NAA11: variants seen among roughly 807,000 people sequenced by gnomAD.
NAA11 encodes the protein N-alpha-acetyltransferase 11.
In NAA11, 15 loss-of-function variants were observed where a neutral mutation model predicts 16.1. That is an observed-to-expected ratio of 0.93 (90% CI 0.62 to 1.44). NAA11 has a LOEUF of 1.44. Ranked by LOEUF, NAA11 falls within the 40% of genes most tolerant of loss-of-function variation. The pLI, the probability that NAA11 is intolerant of heterozygous loss-of-function variation, is 0.00. For synonymous variants in NAA11, 122 were observed against 112.4 expected, an observed-to-expected ratio of 1.09 and a Z score of -0.54; for missense variants, 298 against 291.3, an observed-to-expected ratio of 1.02 and a Z score of -0.17.
At chr4:79,156,669 A>G in the NAA11 span, among the ~76,000 whole-genome samples, 1 of 152,226 alleles carries the variant, frequency 6.6e-6, no homozygotes, top group African/African-American at 2.4e-5. Context: ...AAACAACCAG[A>G]ATAATGTTTG....
chr4:79,210,128 C>T, the NAA11 span, among the ~76,000 whole-genome samples: 2 of 152,078 alleles, frequency 1.3e-5, no homozygotes, highest in Admixed American at 6.6e-5. Context: ...AGCAACAAGG[C>T]TGTTGATTCA....
chr4:79,311,719 G>A (rs549511504), downstream of NAA11, among the ~76,000 whole-genome samples: 1 of 152,238 alleles, frequency 6.6e-6, no homozygotes, highest in East Asian at 1.9e-4. Flanking sequence ...ATGCAGTTGA[G>A]GCAATGATGC....
intron 2 of NAA11, among the ~76,000 whole-genome samples, chr4:79,262,911 T>C (rs540849152): frequency 5.3e-5 from 8 of 152,152 alleles, no homozygotes; most frequent in African/African-American, 1.9e-4. Flanking sequence ...TCTATCATCA[T>C]GCTAGTACTA....
At chr4:79,165,433 G>A in the NAA11 span, among the ~76,000 whole-genome samples, 2 of 152,210 alleles carry the variant, frequency 1.3e-5, no homozygotes, top group African/African-American at 4.8e-5. Flanking sequence ...CAAAGAATGA[G>A]AGAAGGAAAG....
chr4:79,218,209 C>CA, the NAA11 span, among the ~76,000 whole-genome samples: 3 of 152,132 alleles, frequency 2.0e-5, no homozygotes, highest in Non-Finnish European at 4.4e-5. Flanking sequence ...CATGTGTCCT[C>CA]ACTCAGCTAG....
At chr4:79,273,142 C>T (rs934442810) in intron 2 of NAA11, among the ~76,000 whole-genome samples, 3 of 151,744 alleles carry the variant, frequency 2.0e-5, no homozygotes, top group Non-Finnish European at 2.9e-5. Context: ...AGAGGTCAGC[C>T]GAGATTCAAA....
the NAA11 span, among the ~76,000 whole-genome samples, chr4:79,214,764 C>T: frequency 4.6e-4 from 70 of 152,200 alleles, no homozygotes; most frequent in Non-Finnish European, 7.6e-4. Context: ...CGCCACTGCA[C>T]TGCAGTCTGG....
the NAA11 span, among the ~76,000 whole-genome samples, chr4:79,200,956 C>A: frequency 6.6e-6 from 1 of 151,334 alleles, no homozygotes; most frequent in African/African-American, 2.4e-5. Flanking sequence ...ATATATTATA[C>A]ATATATGTAT....
the NAA11 span, among the ~76,000 whole-genome samples, chr4:79,182,692 G>C: frequency 6.6e-6 from 1 of 152,214 alleles, no homozygotes. Context: ...TCTAATGGAT[G>C]CATTTATGCT....
intron 2 of NAA11, among the ~76,000 whole-genome samples, chr4:79,237,261 C>T (rs1420148717): frequency 2.0e-5 from 3 of 152,134 alleles, no homozygotes; most frequent in Non-Finnish European, 4.4e-5. Context: ...GGATAGTGAA[C>T]TTAGGAGTAG....
chr4:79,291,719 T>C (rs2109993312), intron 2 of NAA11, among the ~76,000 whole-genome samples: 2 of 151,520 alleles, frequency 1.3e-5, no homozygotes, highest in African/African-American at 4.8e-5. Context: ...AAACTCCGTC[T>C]CAAAAAAGAA....
At chr4:79,159,183 A>G in the NAA11 span, among the ~76,000 whole-genome samples, 15 of 152,230 alleles carry the variant, frequency 9.9e-5, no homozygotes, top group Non-Finnish European at 1.9e-4. Flanking sequence ...TTTGCAATCT[A>G]TAGGTCTGGC....
intron 2 of NAA11, among the ~76,000 whole-genome samples, chr4:79,286,495 CT>C (rs745487414): frequency 9.2e-5 from 14 of 151,972 alleles, no homozygotes; most frequent in African/African-American, 1.7e-4. Context: ...TCTCCTACTT[CT>C]TTAGTCATGA....
chr4:79,156,066 G>T, the NAA11 span, among the ~76,000 whole-genome samples: 1 of 152,098 alleles, frequency 6.6e-6, no homozygotes, highest in South Asian at 2.1e-4. Flanking sequence ...GAGTGCCCTG[G>T]ATGTACCTGG....
chr4:79,285,489 T>C (rs866779455), intron 2 of NAA11, among the ~76,000 whole-genome samples: 1 of 152,138 alleles, frequency 6.6e-6, no homozygotes, highest in African/African-American at 2.4e-5. Flanking sequence ...TATTGTTAAA[T>C]GCACTTCTGA....
chr4:79,215,422 C>T, the NAA11 span, among the ~76,000 whole-genome samples: 1 of 152,192 alleles, frequency 6.6e-6, no homozygotes, highest in African/African-American at 2.4e-5. Flanking sequence ...ACAGCCAAGG[C>T]TCTATTCCAG....
At chr4:79,200,969 TTATG>T in the NAA11 span, among the ~76,000 whole-genome samples, 19 of 151,828 alleles carry the variant, frequency 1.3e-4, no homozygotes, top group Admixed American at 4.6e-4. Context: ...ATATGTATTT[TTATG>T]TATGTATATA....
chr4:79,175,006 A>G, the NAA11 span, among the ~76,000 whole-genome samples: 1 of 152,144 alleles, frequency 6.6e-6, no homozygotes, highest in Non-Finnish European at 1.5e-5. Context: ...TGAAGCATGT[A>G]AGTCCTGGCA....
intron 1 of NAA11, among the ~76,000 whole-genome samples, chr4:79,321,353 T>C (rs1450693426): frequency 6.6e-6 from 1 of 152,220 alleles, no homozygotes; most frequent in Non-Finnish European, 1.5e-5. Context: ...CTAAATATCA[T>C]AGCCTCCCCT....
Sources: gnomAD v4.1 joint callset for allele counts (sites outside exome capture counted in the v4.1 genomes callset) on GRCh38, gnomAD v4.1.1 for gene constraint, MANE v1.5 for transcripts, NCBI Gene and HGNC (gene_info 2026-07-23, HGNC 2026-07-21) for gene names.